The following TBC1D32 variants were observed in gnomAD, a reference collection of about 807,000 sequenced individuals.
TBC1D32 encodes the protein TBC1 domain family member 32, also known as protein broad-minded.
Under a neutral mutation model 170.3 loss-of-function variants are expected in TBC1D32, and 151 were observed. That is an observed-to-expected ratio of 0.89 (90% confidence interval 0.78 to 1.01). The LOEUF (loss-of-function observed/expected upper bound fraction) is 1.01, where lower values mean the gene tolerates loss of function less well. Among genes scored for constraint, TBC1D32 ranks in the 50% least tolerant of loss-of-function variants. The pLI, the probability that TBC1D32 is intolerant of heterozygous loss-of-function variation, is 0.00. For missense variants in TBC1D32, 1,464 were observed against 1,457.1 expected (o/e 1.00, Z -0.08); for synonymous variants, 498 against 488.0 (o/e 1.02, Z -0.27).
At chr6:121,149,472 A>T (rs554495620) in intron 24 of TBC1D32, among the ~76,000 whole-genome samples, 66 of 152,250 alleles carry the variant, frequency 4.3e-4, no homozygotes, top group African/African-American at 1.4e-3. Flanking sequence ...ATTTTTTGGC[A>T]TATGGGGTCC....
At chr6:121,221,941 C>G (rs1794572694) in intron 21 of TBC1D32, among the ~76,000 whole-genome samples, 1 of 152,150 alleles carries the variant, frequency 6.6e-6, no homozygotes, top group South Asian at 2.1e-4. Flanking sequence ...AAAATGCTAT[C>G]AAAAAGTATC....
At chr6:121,230,921 T>C (rs1289781603) in intron 20 of TBC1D32, among the ~76,000 whole-genome samples, 1 of 151,588 alleles carries the variant, frequency 6.6e-6, no homozygotes, top group Non-Finnish European at 1.5e-5. Context: ...CAGTGTGTAG[T>C]CTCTTATCCA....
At chr6:121,169,814 T>C (rs1396342916) in intron 22 of TBC1D32, among the ~76,000 whole-genome samples, 2 of 152,126 alleles carry the variant, frequency 1.3e-5, no homozygotes, top group Non-Finnish European at 2.9e-5. Flanking sequence ...ATAAAGGCAA[T>C]GCCAGCTATT....
intron 20 of TBC1D32, among the ~76,000 whole-genome samples, chr6:121,228,297 G>C (rs1583302041): frequency 2.0e-5 from 3 of 151,916 alleles, no homozygotes; most frequent in Admixed American, 2.0e-4. Flanking sequence ...TATTTCCCTT[G>C]TTGTATTGGT....
At chr6:121,223,441 A>G in intron 20 of TBC1D32, 89 bp from the exon 21 acceptor site, 1 of 834,820 alleles carries the variant, frequency 1.2e-6, no homozygotes, top group East Asian at 2.6e-5. Context: ...TATCTGTATG[A>G]CTTTGAGGGC....
intron 22 of TBC1D32, among the ~76,000 whole-genome samples, chr6:121,161,699 C>T (rs139082892): frequency 2.0e-5 from 3 of 151,942 alleles, no homozygotes; most frequent in Admixed American, 1.3e-4. Flanking sequence ...GGGTATATAC[C>T]CAGTAATGGG....
chr6:121,249,136 T>C (rs915455375), intron 17 of TBC1D32, among the ~76,000 whole-genome samples: 1 of 151,794 alleles, frequency 6.6e-6, no homozygotes, highest in Non-Finnish European at 1.5e-5. Context: ...ATGATCACAA[T>C]GTAGGGATGG....
intron 17 of TBC1D32, among the ~76,000 whole-genome samples, chr6:121,246,435 C>T (rs75940764): frequency 0.011 from 1,625 of 151,872 alleles, 30 homozygotes; most frequent in African/African-American, 0.038. Flanking sequence ...AAACAGTCTA[C>T]CCAAATGAAA....
chr6:121,139,586 T>C (rs965730709), intron 24 of TBC1D32, among the ~76,000 whole-genome samples: 1 of 152,096 alleles, frequency 6.6e-6, no homozygotes, highest in Non-Finnish European at 1.5e-5. Flanking sequence ...AAAATCAGTA[T>C]AGATTAATGA....
chr6:121,300,147 A>G (rs778348152), intron 9 of TBC1D32, among the ~76,000 whole-genome samples: 3 of 152,172 alleles, frequency 2.0e-5, no homozygotes, highest in Admixed American at 6.5e-5. Flanking sequence ...CATTTCACTT[A>G]GGAATAAAAA....
chr6:121,241,109 A>G (rs75096143), intron 19 of TBC1D32, among the ~76,000 whole-genome samples: 3 of 152,148 alleles, frequency 2.0e-5, no homozygotes, highest in Non-Finnish European at 4.4e-5. Flanking sequence ...TAAGCATTAG[A>G]TAATCCTATC....
chr6:121,281,755 G>T, intron 13 of TBC1D32, 69 bp from the exon 14 acceptor site: 1 of 1,293,276 alleles, frequency 7.7e-7, no homozygotes. Context: ...GTTAGCTGTT[G>T]TTGTTCCAAA....
At chr6:121,209,565 G>A (rs1792785178) in intron 21 of TBC1D32, among the ~76,000 whole-genome samples, 1 of 152,032 alleles carries the variant, frequency 6.6e-6, no homozygotes, top group African/African-American at 2.4e-5. Context: ...CATACAAGTG[G>A]TATTATGTGG....
At chr6:121,110,940 T>A (rs755521162) in intron 29 of TBC1D32, among the ~76,000 whole-genome samples, 1 of 152,188 alleles carries the variant, frequency 6.6e-6, no homozygotes. Context: ...GATGTATTTG[T>A]AATTGAAAAG....
intron 30 of TBC1D32, among the ~76,000 whole-genome samples, chr6:121,102,937 A>C (rs1582783704): frequency 6.6e-6 from 1 of 152,328 alleles, no homozygotes; most frequent in Non-Finnish European, 1.5e-5. Context: ...ATGAACAGAC[A>C]CTTCTCAAAA....
intron 26 of TBC1D32, chr6:121,115,482 T>A (rs1288841246): frequency 3.0e-6 from 1 of 332,832 alleles, no homozygotes; most frequent in African/African-American, 2.1e-5. Context: ...ATAACAATAG[T>A]AGTTTTAAAA....
chr6:121,239,156 A>C lies in TBC1D32; in HGVS notation c.2278T>G (p.Ser760Ala). The C allele has an allele frequency of 6.2e-7, 1 of 1,601,156 alleles. No individual in the cohort carries two copies. Among genetic ancestry groups the C allele is most frequent in the Non-Finnish European group, 8.5e-7 (1 of 1,170,800 alleles). ...FINELITELW[S>A]NLEYGRDDVR... ...TCATCTCTTCCATATTCCAGATTGG[A>C]CCATAATTCAGTTATAAGTTCATTA... is the stretch of plus-strand genomic sequence containing the variant. The change falls in exon 20 of 32, where the codon TCC becomes GCC. Residue 760 changes from serine (S) to alanine (A), a missense_variant. By Grantham distance (99) the Ser-to-Ala change is moderately conservative. Transcript: ENST00000398212.
intron 24 of TBC1D32, among the ~76,000 whole-genome samples, chr6:121,155,318 T>A (rs1371642721): frequency 6.6e-6 from 1 of 152,136 alleles, no homozygotes; most frequent in Non-Finnish European, 1.5e-5. Context: ...TATACTGTTG[T>A]ATAGAAAAGC....
intron 24 of TBC1D32, among the ~76,000 whole-genome samples, chr6:121,152,811 A>G (rs917848772): frequency 6.6e-6 from 1 of 152,038 alleles, no homozygotes; most frequent in African/African-American, 2.4e-5. Flanking sequence ...ATACTTGTGT[A>G]TGCTTCACAA....
Sources: allele counts gnomAD v4.1 joint callset (sites outside exome capture counted in the v4.1 genomes callset), GRCh38; gene constraint gnomAD v4.1.1; transcripts MANE v1.5; gene names NCBI Gene and HGNC (gene_info 2026-07-23, HGNC 2026-07-21).